The following IAPP variants were observed in gnomAD, a reference collection of about 807,000 sequenced individuals.
IAPP encodes the protein islet amyloid polypeptide.
In IAPP, 4 loss-of-function variants were observed where a neutral mutation model predicts 2.9. The observed-to-expected ratio is 1.39, with a 90% CI of 0.69 to 3.19. The LOEUF (loss-of-function observed/expected upper bound fraction) is 3.19. IAPP is among the 30% of genes most tolerant of loss of function. IAPP has a pLI of 0.01. For missense variants in IAPP, 114 were observed against 105.3 expected (o/e 1.08, Z -0.36); for synonymous variants, 40 against 42.1 (o/e 0.95, Z 0.19).
chr12:21,378,434 T>A lies in IAPP; in HGVS notation c.*8T>A. On this transcript the variant is annotated 3_prime_UTR_variant, in exon 3 of 3. Coordinates refer to ENST00000240652, the MANE Select transcript of IAPP (RefSeq NM_000415.3). ...AATTACTTGCCCCTTTAGAGGACAA[T>A]GTAACTCTATAGTTATTGTTTTATG... 6.2e-7 allele frequency: 1 copy of A among 1,600,904 alleles called. No homozygotes were observed. The highest frequency in any genetic ancestry group is 1.7e-5 in the Admixed American group (1 of 60,018).
chr12:21,356,546 A>C (rs912306794), intron 1 of IAPP, among the ~76,000 whole-genome samples: 1 of 59,314 alleles, frequency 1.7e-5, no homozygotes, highest in African/African-American at 7.4e-5. Flanking sequence ...CATGATCATA[A>C]TATTTGAAAA....
Position 21,378,648 on chromosome 12 carries a change from G to T in IAPP, c.*222G>T, listed in dbSNP as rs1014673746. 32 of 476,386 alleles carry T rather than the reference G, an allele frequency of 6.7e-5. No individual in the cohort carries two copies. Among genetic ancestry groups the T allele is most frequent in the African/African-American group, 5.8e-4 (30 of 51,610 alleles). 29.5% of individuals were successfully genotyped at this position (476,386 alleles called of 1,614,324 possible). A position where few individuals can be genotyped will look rare whatever the true frequency, so the allele number is the denominator to read the frequency against. ...AATGAAATGTTTTTGCTATAGATTTGTATTTTAAAACATAAGAACGTCATT... is the reference window on the plus strand; with the variant it reads ...AATGAAATGTTTTTGCTATAGATTTTTATTTTAAAACATAAGAACGTCATT... On this transcript the variant is annotated 3_prime_UTR_variant, in exon 3 of 3. Transcript: ENST00000240652.
upstream of IAPP, among the ~76,000 whole-genome samples, chr12:21,370,680 T>C (rs1939719838): frequency 6.6e-6 from 1 of 152,132 alleles, no homozygotes; most frequent in African/African-American, 2.4e-5. Context: ...AAAAAGGTTA[T>C]GAAAATAGAA....
chr12:21,376,392 G>A, intron 2 of IAPP: 1 of 305,476 alleles, frequency 3.3e-6, no homozygotes, highest in Non-Finnish European at 6.9e-6. Flanking sequence ...CAATGCAAAT[G>A]TATGAAATTA....
At chr12:21,363,521 C>G (rs923633586) in intron 1 of IAPP, among the ~76,000 whole-genome samples, 10 of 152,052 alleles carry the variant, frequency 6.6e-5, no homozygotes, top group African/African-American at 2.4e-4. Context: ...CAAAAGCTAG[C>G]AGAAGGCAAG....
intron 1 of IAPP, among the ~76,000 whole-genome samples, chr12:21,358,653 ATAAT>A (rs1565514409): frequency 6.6e-6 from 1 of 151,944 alleles, no homozygotes; most frequent in Non-Finnish European, 1.5e-5. Context: ...TTAATTTTTT[ATAAT>A]TAAAAATTAA....
intron 1 of IAPP, among the ~76,000 whole-genome samples, chr12:21,363,270 C>G (rs1939083407): frequency 1.3e-5 from 2 of 152,278 alleles, no homozygotes; most frequent in South Asian, 4.1e-4. Flanking sequence ...TACATGGAAA[C>G]TGAACAACCT....
intron 1 of IAPP, among the ~76,000 whole-genome samples, chr12:21,359,573 C>A (rs553589529): frequency 6.6e-6 from 1 of 152,226 alleles, no homozygotes; most frequent in East Asian, 1.9e-4. Context: ...TAGTGTCTCA[C>A]TAATAAATGT....
At chr12:21,372,147 A>C (rs1414032196), upstream of IAPP, among the ~76,000 whole-genome samples, 1 of 152,200 alleles carries the variant, frequency 6.6e-6, no homozygotes, top group Non-Finnish European at 1.5e-5. Context: ...GTTCTCATGG[A>C]GCTAATGGGA....
intron 1 of IAPP, among the ~76,000 whole-genome samples, chr12:21,367,201 G>A (rs1939452772): frequency 6.6e-6 from 1 of 152,100 alleles, no homozygotes; most frequent in Non-Finnish European, 1.5e-5. Context: ...TTATAATTCT[G>A]AATAAAAATA....
Position 21,363,975 on chromosome 12 carries a change from G to C in IAPP, c.-16+8962G>C, listed in dbSNP as rs1443631475. Reference sequence around the variant, plus strand: ...CCGAATTCTACCAGAGGTAAAAAGAGGAGCTGGTACCATTCCTTCTGAAAC... The same window carrying C: ...CCGAATTCTACCAGAGGTAAAAAGACGAGCTGGTACCATTCCTTCTGAAAC... On this transcript the variant is annotated intron_variant, in intron 1 of 2. Coordinates refer to the IAPP transcript ENST00000539393. Among the ~76,000 whole-genome samples, 18 of 152,172 alleles carry C rather than the reference G, an allele frequency of 1.2e-4. 1 individual carries two copies. Among genetic ancestry groups the C allele is most frequent in the Admixed American group, 1.2e-3 (18 of 15,278 alleles).
At chr12:21,360,814 T>A (rs929132959) in intron 1 of IAPP, among the ~76,000 whole-genome samples, 2 of 152,162 alleles carry the variant, frequency 1.3e-5, no homozygotes, top group African/African-American at 4.8e-5. Context: ...GAGATGGAAC[T>A]GCAAGGCAGC....
intron 1 of IAPP, among the ~76,000 whole-genome samples, chr12:21,359,945 C>A (rs59104974): frequency 4.1e-4 from 62 of 152,086 alleles, no homozygotes; most frequent in African/African-American, 1.4e-3. Context: ...CACAATGAAA[C>A]ACTACTCCAC....
intron 1 of IAPP, among the ~76,000 whole-genome samples, chr12:21,363,747 T>G (rs1437927283): frequency 6.6e-6 from 1 of 152,076 alleles, no homozygotes; most frequent in Non-Finnish European, 1.5e-5. Flanking sequence ...TACAAACTAC[T>G]ATCAGAGAAT....
chr12:21,373,115 T>C, intron 1 of IAPP, 111 bp downstream of exon 1: 1 of 556,876 alleles, frequency 1.8e-6, no homozygotes, highest in Non-Finnish European at 3.2e-6. Context: ...TGTATTACAA[T>C]ATAAATGTTC....
At chr12:21,376,614 T>C (rs1235480677) in intron 2 of IAPP, among the ~76,000 whole-genome samples, 1 of 152,048 alleles carries the variant, frequency 6.6e-6, no homozygotes, top group Non-Finnish European at 1.5e-5. Flanking sequence ...GTTCACCTAA[T>C]GCTGTAAGAA....
At chr12:21,371,956 C>G (rs1049173416), upstream of IAPP, among the ~76,000 whole-genome samples, 1 of 151,122 alleles carries the variant, frequency 6.6e-6, no homozygotes, top group Non-Finnish European at 1.5e-5. Context: ...GAGCCGAGAT[C>G]GCACCCTTGT....
At chr12:21,370,094 CA>C (rs745509197), upstream of IAPP, among the ~76,000 whole-genome samples, 1 of 151,942 alleles carries the variant, frequency 6.6e-6, no homozygotes, top group Non-Finnish European at 1.5e-5. Flanking sequence ...TCATTTTTAA[CA>C]AAAAAACAAA....
chr12:21,363,456 A>C (rs1939101629), intron 1 of IAPP, among the ~76,000 whole-genome samples: 1 of 152,230 alleles, frequency 6.6e-6, no homozygotes, highest in Non-Finnish European at 1.5e-5. Context: ...GAGATCTTAA[A>C]TTGACACCCT....
Sources: allele counts gnomAD v4.1 joint callset (sites outside exome capture counted in the v4.1 genomes callset), GRCh38; gene constraint gnomAD v4.1.1; transcripts MANE v1.5; gene names NCBI Gene and HGNC (gene_info 2026-07-23, HGNC 2026-07-21).